The following VPS35L variants were observed in gnomAD, a reference collection of about 807,000 sequenced individuals.
VPS35L encodes VPS35 endosomal protein-sorting factor-like.
Under a neutral mutation model 133.0 loss-of-function variants are expected in VPS35L, and 83 were observed. The ratio of observed to expected loss-of-function variants is 0.62; its 90% CI spans 0.52 to 0.75. VPS35L has a LOEUF of 0.75. Ranked by LOEUF, VPS35L falls within the 30% of genes least tolerant of loss-of-function variation. VPS35L has a pLI of 0.00. For synonymous variants in VPS35L, 423 were observed against 449.9 expected (o/e 0.94, Z 0.76); for missense variants, 1,083 against 1,206.8 (o/e 0.90, Z 1.52).
intron 27 of VPS35L, among the ~76,000 whole-genome samples, chr16:19,677,673 T>A (rs1270189563): frequency 6.6e-6 from 1 of 152,176 alleles, no homozygotes; most frequent in Non-Finnish European, 1.5e-5. Flanking sequence ...GAGCTGCTGG[T>A]GAGACAGACA....
intron 11 of VPS35L, 54 bp downstream of exon 11, chr16:19,609,075 T>A: frequency 6.9e-7 from 1 of 1,455,122 alleles, no homozygotes; most frequent in South Asian, 1.1e-5. Context: ...ATCTCCCATG[T>A]GTACACAGAT....
intron 4 of VPS35L, among the ~76,000 whole-genome samples, chr16:19,574,356 C>T (rs879819497): frequency 8.5e-5 from 13 of 152,082 alleles, no homozygotes; most frequent in African/African-American, 2.4e-4. Context: ...CTTGGGGTCC[C>T]GCAACACTTT....
chr16:19,638,215 G>A (rs755191816), intron 20 of VPS35L, among the ~76,000 whole-genome samples: 5 of 152,168 alleles, frequency 3.3e-5, no homozygotes, highest in Middle Eastern at 3.4e-3. Context: ...CCTCTTCCAG[G>A]TTCCATTTAC....
intron 19 of VPS35L, among the ~76,000 whole-genome samples, chr16:19,635,060 C>T (rs1293002643): frequency 3.3e-5 from 5 of 152,134 alleles, no homozygotes; most frequent in Admixed American, 6.5e-5. Flanking sequence ...ATCACCATGG[C>T]CAGGCTCCAT....
At chr16:19,659,205 CA>C (rs938999208) in intron 26 of VPS35L, among the ~76,000 whole-genome samples, 13 of 152,272 alleles carry the variant, frequency 8.5e-5, no homozygotes, top group African/African-American at 3.1e-4. Context: ...TTCACAGAGA[CA>C]ATACGCAACC....
At chr16:19,610,003 A>T (rs1597356711) in intron 11 of VPS35L, among the ~76,000 whole-genome samples, 2 of 152,308 alleles carry the variant, frequency 1.3e-5, no homozygotes, top group Admixed American at 1.3e-4. Context: ...TGCCCAGTCG[A>T]TGGAAAATAA....
chr16:19,586,302 A>G (rs189904242), intron 7 of VPS35L, among the ~76,000 whole-genome samples: 125 of 151,564 alleles, frequency 8.2e-4, no homozygotes, highest in Middle Eastern at 3.4e-3. Context: ...GTGTCTTTGA[A>G]GTGTGGAAGT....
intron 20 of VPS35L, among the ~76,000 whole-genome samples, chr16:19,638,585 C>T (rs991822439): frequency 1.3e-5 from 2 of 152,228 alleles, no homozygotes; most frequent in Admixed American, 6.5e-5. Flanking sequence ...AGCATTGCTA[C>T]TCTTGCACTT....
intron 27 of VPS35L, among the ~76,000 whole-genome samples, 175 bp from the exon 28 acceptor site, chr16:19,682,049 AT>A (rs1975298055): frequency 6.6e-6 from 1 of 151,994 alleles, no homozygotes; most frequent in South Asian, 2.1e-4. Context: ...ACGTTTTGTC[AT>A]TTTCCTCTGT....
At chr16:19,634,097 AT>A (rs1453577266) in intron 19 of VPS35L, among the ~76,000 whole-genome samples, 1 of 151,798 alleles carries the variant, frequency 6.6e-6, no homozygotes, top group African/African-American at 2.4e-5. Context: ...ATGTGTGTAC[AT>A]TTTTTTCTCA....
At chr16:19,693,291 G>GA (rs1719042423) in intron 29 of VPS35L, among the ~76,000 whole-genome samples, 1 of 152,120 alleles carries the variant, frequency 6.6e-6, no homozygotes, top group African/African-American at 2.4e-5. Flanking sequence ...GTGTTGCGGG[G>GA]GGGCAGGGGA....
intron 8 of VPS35L, among the ~76,000 whole-genome samples, chr16:19,595,231 G>A (rs559880598): frequency 6.6e-4 from 101 of 152,216 alleles, no homozygotes; most frequent in African/African-American, 2.4e-3. Flanking sequence ...AACAGGCTCC[G>A]TGTTGAGACT....
chr16:19,642,357 T>C (rs1244509713), intron 21 of VPS35L, 39 bp from the exon 22 acceptor site: 3 of 1,568,202 alleles, frequency 1.9e-6, no homozygotes, highest in Admixed American at 1.7e-5. Context: ...GTGCTGTCAG[T>C]GGACAAAACT....
chr16:19,675,838 C>CT lies in VPS35L; in HGVS notation c.2362-6386dup, dbSNP rs1975046776. 2.6e-5 allele frequency among the ~76,000 whole-genome samples: 4 copies of CT among 152,282 alleles called. No homozygotes were observed. The South Asian group carries it at 8.3e-4, about 32-fold the overall frequency. ...GTGCTGAGATTACAGGCATGAGCCA[C>CT]TGCACCCGGTCCCCATACTGTTTTT... On this transcript the variant is annotated intron_variant, in intron 27 of 30. Transcript: ENST00000417362.
At chr16:19,677,212 C>T (rs1021702016) in intron 27 of VPS35L, among the ~76,000 whole-genome samples, 5 of 151,542 alleles carry the variant, frequency 3.3e-5, no homozygotes, top group Non-Finnish European at 7.4e-5. Flanking sequence ...ATTATAGGCA[C>T]CTGCCACCGT....
intron 27 of VPS35L, among the ~76,000 whole-genome samples, chr16:19,672,588 G>A (rs1974913682): frequency 6.6e-6 from 1 of 152,192 alleles, no homozygotes; most frequent in Non-Finnish European, 1.5e-5. Flanking sequence ...GCGAGGTCAG[G>A]AGGCCAGGCT....
intron 8 of VPS35L, among the ~76,000 whole-genome samples, chr16:19,592,689 A>ATT (rs770439941): frequency 7.2e-5 from 10 of 138,294 alleles, no homozygotes; most frequent in African/African-American, 1.3e-4. Context: ...CACTGTTAAA[A>ATT]TTTTTTTTTT....
rs113267938 is a variant in VPS35L, at chr16:19,615,367, A to G, written c.1024-747A>G. On this transcript the variant is annotated intron_variant, in intron 12 of 30. Coordinates refer to ENST00000417362, the MANE Select transcript of VPS35L (RefSeq NM_020314.7). ...ATACATGTTTATTGAAAAAGAAATC[A>G]GGCTGGGCGTGGTGGCTCACACCTG... Among the ~76,000 whole-genome samples the G allele has an allele frequency of 4.9e-3, 748 of 151,922 alleles. 4 individuals carry two copies. The highest frequency in any genetic ancestry group is 0.017 in the African/African-American group (723 of 41,552).
chr16:19,623,954 C>A (rs1973173662), intron 14 of VPS35L, among the ~76,000 whole-genome samples: 1 of 150,378 alleles, frequency 6.6e-6, no homozygotes, highest in Non-Finnish European at 1.5e-5. Context: ...TAAGCACACA[C>A]CACCATGCTT....
Sources: gnomAD v4.1 joint callset for allele counts (sites outside exome capture counted in the v4.1 genomes callset) on GRCh38, gnomAD v4.1.1 for gene constraint, MANE v1.5 for transcripts, NCBI Gene and HGNC (gene_info 2026-07-23, HGNC 2026-07-21) for gene names.